The following KIF6 variants were observed in gnomAD, a reference collection of about 807,000 sequenced individuals.
The protein encoded by KIF6 is kinesin family member 6, also known as kinesin-like protein KIF6.
A neutral mutation model predicts 112.7 loss-of-function variants in KIF6; 106 were observed. The observed-to-expected ratio is 0.94, with a 90% CI of 0.80 to 1.11. The LOEUF (loss-of-function observed/expected upper bound fraction) is 1.11, where lower values mean the gene tolerates loss of function less well. Ranked by LOEUF, KIF6 falls within the 50% of genes least tolerant of loss-of-function variation. The pLI is 0.00. For missense variants in KIF6, 929 were observed against 964.0 expected (o/e 0.96, Z 0.48); for synonymous variants, 339 against 339.9 (o/e 1.00, Z 0.03).
intron 3 of KIF6, among the ~76,000 whole-genome samples, chr6:39,707,910 C>A (rs1449487122): frequency 6.6e-6 from 1 of 152,164 alleles, no homozygotes; most frequent in Non-Finnish European, 1.5e-5. Context: ...AGTCACAGGG[C>A]TAGGGCCAGA....
chr6:39,563,715 G>T (rs1173369021), intron 10 of KIF6, among the ~76,000 whole-genome samples: 1 of 152,120 alleles, frequency 6.6e-6, no homozygotes, highest in Admixed American at 6.6e-5. Context: ...TTTCAGGGCT[G>T]CCCAGCAAGT....
chr6:39,645,889 A>T (rs933618338), intron 3 of KIF6, among the ~76,000 whole-genome samples: 1 of 149,242 alleles, frequency 6.7e-6, no homozygotes, highest in Admixed American at 6.7e-5. Flanking sequence ...CAAACACCAC[A>T]TGTCCTCACT....
chr6:39,481,426 A>G (rs1159432454), intron 13 of KIF6, among the ~76,000 whole-genome samples: 1 of 152,246 alleles, frequency 6.6e-6, no homozygotes, highest in East Asian at 1.9e-4. Context: ...ACATGTCCCA[A>G]TAATATGTAC....
chr6:39,685,130 A>T (rs116034968), intron 3 of KIF6, among the ~76,000 whole-genome samples: 460 of 152,338 alleles, frequency 3.0e-3, no homozygotes, highest in Non-Finnish European at 5.6e-3. Flanking sequence ...AATGAAGGTC[A>T]TTGTTTTATT....
At chr6:39,709,822 G>T (rs1158648353) in intron 3 of KIF6, among the ~76,000 whole-genome samples, 1 of 152,086 alleles carries the variant, frequency 6.6e-6, no homozygotes, top group East Asian at 1.9e-4. Context: ...TAGGAATAGC[G>T]GACATTTCTG....
At chr6:39,669,924 T>C (rs751963846) in intron 3 of KIF6, among the ~76,000 whole-genome samples, 1 of 152,210 alleles carries the variant, frequency 6.6e-6, no homozygotes, top group Non-Finnish European at 1.5e-5. Context: ...TTCTTTAAAA[T>C]TGCTTTTCTG....
chr6:39,450,160 T>A (rs759306443), intron 13 of KIF6, among the ~76,000 whole-genome samples: 16 of 152,216 alleles, frequency 1.1e-4, no homozygotes, highest in Non-Finnish European at 1.5e-4. Context: ...TTTCTGAAAG[T>A]GACACATGAG....
chr6:39,685,988 T>C (rs1037723195), intron 3 of KIF6, among the ~76,000 whole-genome samples: 3 of 152,262 alleles, frequency 2.0e-5, no homozygotes, highest in Non-Finnish European at 4.4e-5. Flanking sequence ...TTTGTTTTAA[T>C]TGATTTTTAA....
rs1780666902 is a variant in KIF6 at position 39,572,036 on chromosome 6, T to C, written c.1181+6020A>G. ...TACATAATTATTTTGCTTTTTATTA[T>C]CATAGTGAGTAAATAATGTATTAAC... On this transcript the variant is annotated intron_variant, in intron 10 of 22. Coordinates refer to ENST00000287152, the MANE Select transcript of KIF6 (RefSeq NM_145027.6). 1.3e-5 allele frequency among the ~76,000 whole-genome samples: 2 copies of C among 152,200 alleles called. 1 individual carries two copies. The highest frequency in any genetic ancestry group is 4.1e-4 in the South Asian group (2 of 4,832).
At chr6:39,594,222 AG>A (rs1782113529) in intron 7 of KIF6, among the ~76,000 whole-genome samples, 1 of 151,616 alleles carries the variant, frequency 6.6e-6, no homozygotes, top group African/African-American at 2.4e-5. Context: ...AAAAAAAAAA[AG>A]AATTAAGGGC....
In KIF6 at chr6:39,346,100, T is replaced by TCC. The variant is rs1562113049; in HGVS notation, c.2232-313_2232-312dup. ...TCTCTCTCTCTCCCCCCCCTCTCCC[T>TCC]CCCCCCCTCCCTCTCCCTCTCCCTC... On this transcript the variant is annotated intron_variant, in intron 20 of 22. Coordinates refer to ENST00000287152, the MANE Select transcript of KIF6 (RefSeq NM_145027.6). 1.7e-3 allele frequency among the ~76,000 whole-genome samples: 14 copies of TCC among 8,164 alleles called. 1 individual carries two copies. Among genetic ancestry groups the TCC allele is most frequent in the African/African-American group, 8.5e-3 (14 of 1,654 alleles). The allele number at this position is 8,164 out of a possible 152,430, so 5.4% of individuals were successfully genotyped here. A position where few individuals can be genotyped will look rare whatever the true frequency, so the allele number is the denominator to read the frequency against.
chr6:39,651,375 C>A (rs1044679346), intron 3 of KIF6, among the ~76,000 whole-genome samples: 52 of 152,216 alleles, frequency 3.4e-4, no homozygotes, highest in African/African-American at 1.0e-3. Flanking sequence ...TGGAGAGAGA[C>A]TGGAAAGCGG....
At chr6:39,427,220 A>G (rs2150375351) in intron 14 of KIF6, among the ~76,000 whole-genome samples, 1 of 152,220 alleles carries the variant, frequency 6.6e-6, no homozygotes, top group African/African-American at 2.4e-5. Context: ...GTTGGGCCAC[A>G]TGAGTCCTTC....
chr6:39,532,508 A>G (rs891789062), intron 13 of KIF6, among the ~76,000 whole-genome samples: 5 of 152,208 alleles, frequency 3.3e-5, no homozygotes, highest in Non-Finnish European at 7.3e-5. Flanking sequence ...GGGAGGAATT[A>G]TTGATCTTCA....
At chr6:39,447,066 A>G (rs529949209) in intron 13 of KIF6, among the ~76,000 whole-genome samples, 1 of 152,346 alleles carries the variant, frequency 6.6e-6, no homozygotes, top group Admixed American at 6.5e-5. Context: ...TTAACACAGC[A>G]GGAGGATTTT....
intron 3 of KIF6, among the ~76,000 whole-genome samples, chr6:39,674,610 C>T (rs1331673381): frequency 1.3e-5 from 2 of 151,860 alleles, no homozygotes; most frequent in Admixed American, 1.3e-4. Flanking sequence ...CTGAAATATA[C>T]AAACAGAGTT....
chr6:39,580,431 T>C (rs1781219910), intron 9 of KIF6, among the ~76,000 whole-genome samples: 1 of 152,086 alleles, frequency 6.6e-6, no homozygotes, highest in South Asian at 2.1e-4. Context: ...CTGTAAGTAA[T>C]GACAGATGTT....
At chr6:39,570,833 C>T (rs969857913) in intron 10 of KIF6, among the ~76,000 whole-genome samples, 9 of 152,164 alleles carry the variant, frequency 5.9e-5, no homozygotes. Flanking sequence ...GACTTCCAAG[C>T]CATGCTAAAC....
intron 13 of KIF6, among the ~76,000 whole-genome samples, chr6:39,487,150 AGATT>A (rs1471235557): frequency 6.6e-6 from 1 of 152,350 alleles, no homozygotes; most frequent in East Asian, 1.9e-4. Context: ...ATAGAAAATT[AGATT>A]GATTCTTTTT....
Sources: allele counts gnomAD v4.1 joint callset (sites outside exome capture counted in the v4.1 genomes callset), GRCh38; gene constraint gnomAD v4.1.1; transcripts MANE v1.5; gene names NCBI Gene and HGNC (gene_info 2026-07-23, HGNC 2026-07-21).